Variants in CGGBP1 observed in about 807,000 individuals in gnomAD.
CGGBP1 encodes the protein CGG triplet repeat-binding protein 1.
CGGBP1 carries 4 observed loss-of-function variants against 11.4 expected under a neutral mutation model. That is an observed-to-expected ratio of 0.35 (90% CI 0.17 to 0.80). The LOEUF (loss-of-function observed/expected upper bound fraction) is 0.80. Among genes scored for constraint, CGGBP1 ranks in the 30% least tolerant of loss-of-function variants. The probability of loss-of-function intolerance (pLI) is 0.52; values close to 1 mark genes in which losing one functional copy is unlikely to be tolerated. For missense variants in CGGBP1, 135 were observed against 202.1 expected (o/e 0.67, Z 2.01); for synonymous variants, 76 against 74.1 (o/e 1.03, Z -0.13).
At position 88,144,979 on chromosome 3, in the gene CGGBP1, G is replaced by C. The variant is rs533134832; in HGVS notation, c.-337-3901C>G. 2.0e-5 allele frequency among the ~76,000 whole-genome samples: 3 copies of C among 152,074 alleles called. No individual in the cohort carries two copies. The East Asian group carries it at 5.8e-4, about 29-fold the overall frequency. On this transcript the variant is annotated intron_variant, in intron 1 of 3. Coordinates refer to the CGGBP1 transcript ENST00000462901. The stretch of plus-strand genomic sequence containing the variant: ...TATAGTACGTTCTGCAAACTTAGTA[G>C]GTGTCGGAACTCTCCGAAGTCAAGA...
chr3:88,132,631 T>C (rs1008138697), intron 2 of CGGBP1, among the ~76,000 whole-genome samples: 10 of 152,212 alleles, frequency 6.6e-5, no homozygotes, highest in South Asian at 2.1e-4. Flanking sequence ...CAAAAATCCA[T>C]AGTGGTAGTC....
intron 2 of CGGBP1, among the ~76,000 whole-genome samples, chr3:88,066,026 G>A (rs1035356167): frequency 2.0e-5 from 3 of 152,176 alleles, no homozygotes; most frequent in African/African-American, 4.8e-5. Flanking sequence ...GAGCTACCGC[G>A]CCTAGCCCTA....
intron 2 of CGGBP1, among the ~76,000 whole-genome samples, chr3:88,071,041 G>A (rs754778136): frequency 1.3e-5 from 2 of 152,040 alleles, no homozygotes; most frequent in African/African-American, 4.8e-5. Context: ...CTCATTCATC[G>A]GTTCTCAATT....
intron 2 of CGGBP1, among the ~76,000 whole-genome samples, chr3:88,071,519 G>C (rs1308343458): frequency 6.6e-6 from 1 of 152,190 alleles, no homozygotes; most frequent in African/African-American, 2.4e-5. Context: ...GGTAGCGGGC[G>C]CCTGTAGTCC....
intron 2 of CGGBP1, among the ~76,000 whole-genome samples, chr3:88,089,777 G>A (rs1291854000): frequency 2.0e-5 from 3 of 152,154 alleles, no homozygotes; most frequent in African/African-American, 7.2e-5. Context: ...CCTGAGTTAT[G>A]TTCCTACTGC....
intron 2 of CGGBP1, chr3:88,140,606 A>G (rs747654782): frequency 1.4e-5 from 23 of 1,613,642 alleles, no homozygotes; most frequent in Non-Finnish European, 1.9e-5. Flanking sequence ...TAGTCAATGG[A>G]CACAGTGAAA....
chr3:88,076,712 C>T (rs576404161), intron 2 of CGGBP1, among the ~76,000 whole-genome samples: 1 of 152,296 alleles, frequency 6.6e-6, no homozygotes, highest in East Asian at 1.9e-4. Context: ...TTCCCTTGTC[C>T]ATGCACCAAT....
At chr3:88,115,326 A>C (rs971903647) in intron 2 of CGGBP1, among the ~76,000 whole-genome samples, 41 of 152,190 alleles carry the variant, frequency 2.7e-4, no homozygotes, top group Admixed American at 7.2e-4. Flanking sequence ...TTTGCTGCTT[A>C]CACTGTGTCA....
At chr3:88,123,318 C>T (rs1705893700) in intron 2 of CGGBP1, among the ~76,000 whole-genome samples, 2 of 152,070 alleles carry the variant, frequency 1.3e-5, no homozygotes, top group African/African-American at 4.8e-5. Context: ...GTATTTTTGA[C>T]CCACGAAGTG....
chr3:88,062,579 A>G (rs1180509295), upstream of CGGBP1, among the ~76,000 whole-genome samples: 1 of 152,206 alleles, frequency 6.6e-6, no homozygotes, highest in Admixed American at 6.5e-5. Flanking sequence ...TAATAATTCA[A>G]TTTGTCACCA....
chr3:88,128,534 GAA>G (rs1022432412), intron 2 of CGGBP1, among the ~76,000 whole-genome samples: 2 of 151,772 alleles, frequency 1.3e-5, no homozygotes, highest in African/African-American at 2.4e-5. Context: ...ACTGAAAGAA[GAA>G]AAAAAATTTT....
chr3:88,069,481 A>G (rs778090009), intron 2 of CGGBP1, among the ~76,000 whole-genome samples: 1 of 152,208 alleles, frequency 6.6e-6, no homozygotes, highest in Non-Finnish European at 1.5e-5. Flanking sequence ...TGAATGGGAT[A>G]TGCTTAGATG....
chr3:88,145,388 G>T (rs1707293236), intron 1 of CGGBP1, among the ~76,000 whole-genome samples: 2 of 151,992 alleles, frequency 1.3e-5, no homozygotes, highest in Admixed American at 1.3e-4. Flanking sequence ...CACTATGAGA[G>T]TGTTATTGAA....
chr3:88,136,489 A>G (rs997382040), intron 2 of CGGBP1, among the ~76,000 whole-genome samples: 1 of 152,248 alleles, frequency 6.6e-6, no homozygotes, highest in African/African-American at 2.4e-5. Context: ...CATAGATGGC[A>G]TATCTAAAAA....
chr3:88,114,340 A>T (rs752709917), intron 2 of CGGBP1, among the ~76,000 whole-genome samples: 27 of 152,188 alleles, frequency 1.8e-4, no homozygotes, highest in Non-Finnish European at 3.4e-4. Flanking sequence ...GGAACCACTG[A>T]AATGTTTGGA....
chr3:88,140,137 A>T, intron 2 of CGGBP1: 1 of 1,613,912 alleles, frequency 6.2e-7, no homozygotes, highest in Non-Finnish European at 8.5e-7. Flanking sequence ...TTTAATTGCA[A>T]CGAGTCGTTT....
chr3:88,141,795 T>C, intron 1 of CGGBP1: 1 of 556,872 alleles, frequency 1.8e-6, no homozygotes. Flanking sequence ...CAAAGCACAT[T>C]TTCTAGAATG....
At chr3:88,134,424 A>G (rs533816305) in intron 2 of CGGBP1, among the ~76,000 whole-genome samples, 2 of 152,106 alleles carry the variant, frequency 1.3e-5, no homozygotes, top group African/African-American at 2.4e-5. Context: ...ACATCCAAAT[A>G]TATCAGCTCT....
intron 2 of CGGBP1, among the ~76,000 whole-genome samples, chr3:88,137,892 G>GAT (rs1338465918): frequency 3.6e-3 from 542 of 151,794 alleles, no homozygotes; most frequent in African/African-American, 9.9e-3. Context: ...TAGGCAGTAT[G>GAT]ATATATATAC....
Sources: allele counts gnomAD v4.1 joint callset (sites outside exome capture counted in the v4.1 genomes callset), GRCh38; gene constraint gnomAD v4.1.1; transcripts MANE v1.5; gene names NCBI Gene and HGNC (gene_info 2026-07-23, HGNC 2026-07-21).